Variants in SSC4D observed in about 807,000 individuals in gnomAD.
SSC4D encodes the protein scavenger receptor cysteine-rich domain-containing group B protein.
A neutral mutation model predicts 63.4 loss-of-function variants in SSC4D; 57 were observed. The ratio of observed to expected loss-of-function variants is 0.90; its 90% confidence interval spans 0.73 to 1.12. The LOEUF (loss-of-function observed/expected upper bound fraction) is 1.12. Ranked by LOEUF, SSC4D falls within the 50% of genes most tolerant of loss-of-function variation. SSC4D has a pLI of 0.00. For missense variants in SSC4D, 791 were observed against 806.4 expected (o/e 0.98, Z 0.23); for synonymous variants, 352 against 345.4 (o/e 1.02, Z -0.21).
chr7:76,408,226 A>G (rs1228230989), intron 1 of SSC4D, among the ~76,000 whole-genome samples: 1 of 152,100 alleles, frequency 6.6e-6, no homozygotes, highest in Non-Finnish European at 1.5e-5. Context: ...CCTGGTGTAC[A>G]AAGTCTGGTT....
chr7:76,404,239 A>G, intron 2 of SSC4D, 68 bp downstream of exon 2: 1 of 1,465,724 alleles, frequency 6.8e-7, no homozygotes, highest in Non-Finnish European at 9.0e-7. Flanking sequence ...CTCCTACTAT[A>G]AAGTTACAGC....
intron 4 of SSC4D, among the ~76,000 whole-genome samples, chr7:76,399,569 C>T (rs767919174): frequency 3.3e-5 from 5 of 152,036 alleles, no homozygotes; most frequent in Admixed American, 3.3e-4. Context: ...GGATCTTGCT[C>T]TGTCACCCAG....
Position 76,404,520 on chromosome 7 carries a change from C to A in SSC4D, c.-66-15G>T. 2 of 1,606,540 alleles carry A rather than the reference C, an allele frequency of 1.2e-6. No individual in the cohort carries two copies. Among genetic ancestry groups the A allele is most frequent in the South Asian group, 2.2e-5 (2 of 90,818 alleles). On this transcript the variant is annotated splice_polypyrimidine_tract_variant and intron_variant, in intron 1 of 10. Coordinates refer to ENST00000275560, the MANE Select transcript of SSC4D (RefSeq NM_080744.2). ...AGTTGGAACATCTGAAATTAAAGAT[C>A]CCAAATGTTGCTGGGCCTCCCAGCA...
chr7:76,404,469 C>T lies in SSC4D; in HGVS notation c.-30G>A. On this transcript the variant is annotated 5_prime_UTR_variant, in exon 2 of 11. Transcript: ENST00000275560. Reference sequence around the variant, plus strand: ...ATGGTGAAGGGTGTTTCAGATGCTCCCATCAAGGCGCCAGGGAGAAGTCAC... The same window carrying T: ...ATGGTGAAGGGTGTTTCAGATGCTCTCATCAAGGCGCCAGGGAGAAGTCAC... The T allele has an allele frequency of 6.2e-7, 1 of 1,613,746 alleles. No individual in the cohort carries two copies. The highest frequency in any genetic ancestry group is 1.1e-5 in the South Asian group (1 of 91,072).
In SSC4D at chr7:76,398,740, G is replaced by A. The variant is rs73361545; in HGVS notation, c.533C>T (p.Thr178Met). Residue 178 changes from threonine to methionine, a missense_variant, in exon 5 of 11, where the codon ACG becomes ATG. Transcript: ENST00000275560. ...CGTACTTTTTCCATTCGGCAGTGTCGTAGGAGGTGCTCTACTGGTTAACAT... is the reference window on the plus strand; with the variant it reads ...CGTACTTTTTCCATTCGGCAGTGTCATAGGAGGTGCTCTACTGGTTAACAT... Reference protein sequence around the residue: ...RKMLTSRAPPTTLPNGKSEGS... With the variant: ...RKMLTSRAPPMTLPNGKSEGS... The A allele has an allele frequency of 0.011, 17,530 of 1,613,374 alleles. 1,125 individuals carry two copies. The African/African-American group carries it at 0.17, about 16-fold the overall frequency.
intron 10 of SSC4D, 96 bp from the exon 11 acceptor site, chr7:76,390,471 C>A: frequency 1.7e-6 from 2 of 1,156,868 alleles, no homozygotes; most frequent in Non-Finnish European, 1.2e-6. Flanking sequence ...CTGAGACACT[C>A]TGAGCACTGC....
At chr7:76,391,858 C>T (rs1352217367) in intron 10 of SSC4D, 106 bp downstream of exon 10, 12 of 1,150,198 alleles carry the variant, frequency 1.0e-5, no homozygotes, top group Admixed American at 4.0e-5. Context: ...TTCCAGGTCC[C>T]GGTGTGAATC....
rs1377600199 is a variant in SSC4D at position 76,397,798 on chromosome 7, G to T, written c.588C>A (p.Asn196Lys). 2.5e-6 allele frequency: 4 copies of T among 1,602,212 alleles called. No individual in the cohort carries two copies. In the African/African-American group the frequency reaches 4.0e-5, roughly 16 times the overall value. The change falls in exon 6 of 11, where the codon AAC becomes AAA. Residue 196 changes from asparagine to lysine, a missense_variant. By Grantham distance (94) the Asn-to-Lys change is moderately conservative. Coordinates refer to ENST00000275560, the MANE Select transcript of SSC4D (RefSeq NM_080744.2). ...EGSVRLVGGA[N>K]LCQGRVEILH... is the part of the protein sequence containing the mutation. ...GGATCTCCACTCGGCCCTGACACAG[G>T]TTCGCGCCCCCTACCAGGCGTACGC...
In SSC4D at chr7:76,409,591, A is replaced by C. The variant is rs1431767162; in HGVS notation, c.-244T>G. ...GTGAGCAGAGGCAAAGTCCCTGTCC[A>C]TGGAGCTGGCTGGTGGCCCCAGCCT... On this transcript the variant is annotated 5_prime_UTR_variant, in exon 1 of 11. An upstream start codon of the reference 5' UTR is lost. Coordinates refer to ENST00000275560, the MANE Select transcript of SSC4D (RefSeq NM_080744.2). 6.6e-6 allele frequency: 1 copy of C among 152,356 alleles called. No homozygotes were observed. The highest frequency in any genetic ancestry group is 1.5e-5 in the Non-Finnish European group (1 of 68,138). The allele number at this position is 152,356 out of a possible 1,614,324, so 9.4% of individuals were successfully genotyped here.
chr7:76,397,679 ATGG>A lies in SSC4D; in HGVS notation c.704_706del (p.Ala235_Met236delinsVal). The A allele has an allele frequency of 5.0e-6, 8 of 1,613,236 alleles. No individual in the cohort carries two copies. Among genetic ancestry groups the A allele is most frequent in the African/African-American group, 1.3e-5 (1 of 75,034 alleles). ...GAAGAAGGCGTTGGTGGTGGCGGCC[ATGG>A]CCGCCCCGCAGCCCAGCTGACGACA... On this transcript the variant is annotated inframe_deletion, in exon 6 of 11. Transcript: ENST00000275560.
At position 76,397,510 on chromosome 7, in the gene SSC4D, G is replaced by A. The variant is rs769611176; in HGVS notation, c.868+8C>T. On this transcript the variant is annotated splice_region_variant and intron_variant, in intron 6 of 10. Transcript: ENST00000275560. The stretch of plus-strand genomic sequence containing the variant: ...CCCGGCCCCGCCCATCGCCCCTAGA[G>A]CCCGCACCTGCGCAGAGCGCGCCCG... 1.5e-5 allele frequency: 23 copies of A among 1,517,452 alleles called. No homozygotes were observed. Among genetic ancestry groups the A allele is most frequent in the Non-Finnish European group, 1.9e-5 (22 of 1,133,654 alleles). The allele number at this position is 1,517,452 out of a possible 1,614,324, so 94.0% of individuals were successfully genotyped here.
Position 76,400,521 on chromosome 7 carries a change from G to A in SSC4D, c.240C>T (p.Gly80=), listed in dbSNP as rs1447987792. ...CGTCCCAGTCGTCATCACAGACGCT[G>A]CCCCAGGAGCCACCGTGCATGACTT... is the stretch of plus-strand genomic sequence containing the variant. The part of the protein sequence containing the change: ...RLEVMHGGSW[G]SVCDDDWDVV... Residue 80 remains glycine (G), a synonymous_variant, in exon 4 of 11, where the codon GGC becomes GGT. Coordinates refer to ENST00000275560, the MANE Select transcript of SSC4D (RefSeq NM_080744.2). The A allele has an allele frequency of 6.3e-7, 1 of 1,577,684 alleles. No individual in the cohort carries two copies. The highest frequency in any genetic ancestry group is 8.6e-7 in the Non-Finnish European group (1 of 1,160,790).
At position 76,390,221 on chromosome 7, in the gene SSC4D, G is replaced by A. The variant is rs758808251; in HGVS notation, c.1566C>T (p.Ala522=). 2 of 1,614,156 alleles carry A rather than the reference G, an allele frequency of 1.2e-6. No homozygotes were observed. The highest frequency in any genetic ancestry group is 1.7e-6 in the Non-Finnish European group (2 of 1,180,020). The change falls in exon 11 of 11, where the codon GCC becomes GCT. Residue 522 remains alanine, a synonymous_variant. Transcript: ENST00000275560. ...RQLGCGQALA[A]PGEAHFGPGR... ...CTGGGCCAAAGTGAGCCTCGCCAGG[G>A]GCTGCGAGGGCCTGGCCACAGCCCA...
intron 9 of SSC4D, among the ~76,000 whole-genome samples, chr7:76,392,805 A>G (rs1234709293): frequency 6.6e-6 from 1 of 151,996 alleles, no homozygotes; most frequent in East Asian, 1.9e-4. Flanking sequence ...AAGAAAAAAA[A>G]AAAGAAATAG....
At chr7:76,398,454 G>T (rs1804711045) in intron 5 of SSC4D, among the ~76,000 whole-genome samples, 1 of 151,890 alleles carries the variant, frequency 6.6e-6, no homozygotes, top group Non-Finnish European at 1.5e-5. Flanking sequence ...ACAGGAATAT[G>T]CCACCACGCC....
At chr7:76,392,450 T>C (rs1460335262) in intron 9 of SSC4D, among the ~76,000 whole-genome samples, 2 of 151,296 alleles carry the variant, frequency 1.3e-5, no homozygotes, top group Non-Finnish European at 2.9e-5. Context: ...CTCAGGAGGC[T>C]GAGGCAGGAG....
Position 76,393,854 on chromosome 7 carries a change from C to T in SSC4D, c.997G>A (p.Ala333Thr). The change falls in exon 8 of 11, where the codon GCC (alanine) becomes ACC (threonine). Residue 333 changes from alanine (A) to threonine (T), a missense_variant. Transcript: ENST00000275560. ...PSRETALLTT[A>T]AWAAGKKSGR... ...CTTTTCTTCCCCGCGGCCCAGGCGGCGGTGGTGAGCAGTGCTGTCTCCCGG... is the reference window on the plus strand; with the variant it reads ...CTTTTCTTCCCCGCGGCCCAGGCGGTGGTGGTGAGCAGTGCTGTCTCCCGG... The T allele has an allele frequency of 1.2e-6, 2 of 1,604,746 alleles. No individual in the cohort carries two copies. Among genetic ancestry groups the T allele is most frequent in the Non-Finnish European group, 1.7e-6 (2 of 1,175,230 alleles).
intron 1 of SSC4D, among the ~76,000 whole-genome samples, chr7:76,405,291 A>G (rs1283262988): frequency 1.6e-3 from 64 of 40,852 alleles, no homozygotes; most frequent in African/African-American, 7.5e-3. Flanking sequence ...ATATATATAT[A>G]TATATATATA....
chr7:76,390,405 G>A lies in SSC4D; in HGVS notation c.1412-30C>T, dbSNP rs768369466. ...GGGGGGACAGGGCTGGGTTGGAAGGGGCTGGTCCATGCCAGGCCACTCCCA... is the reference window on the plus strand; with the variant it reads ...GGGGGGACAGGGCTGGGTTGGAAGGAGCTGGTCCATGCCAGGCCACTCCCA... On this transcript the variant is annotated intron_variant, in intron 10 of 10. Coordinates refer to ENST00000275560, the MANE Select transcript of SSC4D (RefSeq NM_080744.2). 2.6e-6 allele frequency: 4 copies of A among 1,546,762 alleles called. No individual in the cohort carries two copies. The South Asian group carries it at 4.9e-5, about 19-fold the overall frequency.
Sources: allele counts gnomAD v4.1 joint callset (sites outside exome capture counted in the v4.1 genomes callset), GRCh38; gene constraint gnomAD v4.1.1; transcripts MANE v1.5; gene names NCBI Gene and HGNC (gene_info 2026-07-23, HGNC 2026-07-21).